Variants in DPH6 observed in about 807,000 individuals in gnomAD.
DPH6 encodes diphthine--ammonia ligase.
DPH6 carries 33 observed loss-of-function variants against 38.2 expected under a neutral mutation model. That is an observed-to-expected ratio of 0.86 (90% CI 0.65 to 1.15). DPH6 has a LOEUF of 1.15. DPH6 is among the 50% of genes most tolerant of loss of function. The probability of loss-of-function intolerance (pLI) is 0.00; values close to 1 mark genes in which losing one functional copy is unlikely to be tolerated. For missense variants in DPH6, 325 were observed against 320.0 expected (o/e 1.02, Z -0.12); for synonymous variants, 108 against 103.0 (o/e 1.05, Z -0.30).
intron 5 of DPH6, among the ~76,000 whole-genome samples, chr15:35,425,844 A>G (rs1009805770): frequency 2.6e-4 from 39 of 149,616 alleles, no homozygotes; most frequent in Non-Finnish European, 8.9e-5. Context: ...ATATATCCAT[A>G]TATATCCTAT....
chr15:35,522,961 T>C (rs1226318261), intron 3 of DPH6, among the ~76,000 whole-genome samples: 2 of 152,102 alleles, frequency 1.3e-5, no homozygotes, highest in Non-Finnish European at 2.9e-5. Flanking sequence ...AGCATCCCAC[T>C]GTATAGATAT....
At chr15:35,268,615 G>C (rs893903305) in intron 3 of DPH6, among the ~76,000 whole-genome samples, 7 of 151,906 alleles carry the variant, frequency 4.6e-5, no homozygotes, top group South Asian at 2.1e-4. Flanking sequence ...CTTAGTGAGG[G>C]TGAGGTGGTT....
At chr15:35,227,416 C>T (rs1049347854) in intron 3 of DPH6, among the ~76,000 whole-genome samples, 5 of 151,990 alleles carry the variant, frequency 3.3e-5, no homozygotes, top group Admixed American at 6.6e-5. Context: ...ACCTCCTGAC[C>T]TCATGATCCA....
rs962395758 is a variant in DPH6, at chr15:35,242,543, A to G, written n.201-21961T>C. On this transcript the variant is annotated intron_variant and non_coding_transcript_variant, in intron 3 of 3. Transcript: ENST00000560386. ...CAGTTTAGCCTTCCCACCTCTATAC[A>G]GTCTGATAACAGACCAGCTTTTATT... 2.0e-4 allele frequency among the ~76,000 whole-genome samples: 29 copies of G among 143,650 alleles called. 3 individuals are homozygous for G. Among genetic ancestry groups the G allele is most frequent in the African/African-American group, 6.3e-4 (25 of 39,736 alleles). 94.2% of individuals were successfully genotyped at this position (143,650 alleles called of 152,430 possible). A position where few individuals can be genotyped will look rare whatever the true frequency, so the allele number is the denominator to read the frequency against.
At chr15:35,264,547 T>G (rs996748962) in intron 3 of DPH6, among the ~76,000 whole-genome samples, 4 of 152,228 alleles carry the variant, frequency 2.6e-5, no homozygotes, top group Non-Finnish European at 4.4e-5. Flanking sequence ...CTTACTATTT[T>G]TAATTTTAAT....
downstream of DPH6, among the ~76,000 whole-genome samples, chr15:35,215,774 A>T (rs947578228): frequency 2.0e-5 from 3 of 152,214 alleles, no homozygotes; most frequent in African/African-American, 7.2e-5. Context: ...TCACAAAGCC[A>T]CTGTCGGCAC....
intron 3 of DPH6, among the ~76,000 whole-genome samples, chr15:35,287,717 T>TA (rs1358233110): frequency 6.6e-6 from 1 of 152,152 alleles, no homozygotes; most frequent in African/African-American, 2.4e-5. Flanking sequence ...ACTCCTTACT[T>TA]AAATTTTTTT....
Position 35,237,564 on chromosome 15 carries a change from T to G in DPH6, n.201-16982A>C, listed in dbSNP as rs866166041. On this transcript the variant is annotated intron_variant and non_coding_transcript_variant, in intron 3 of 3. Coordinates refer to the DPH6 transcript ENST00000560386. ...AGCGATAACAGAGTCTCGGGGGGCG[T>G]GGAAGCATTGGCAGAAAAGTGTCCG... is the stretch of plus-strand genomic sequence containing the variant. 1.9e-5 allele frequency: 29 copies of G among 1,538,650 alleles called. No individual in the cohort carries two copies. The Middle Eastern group carries it at 1.9e-3, about 99-fold the overall frequency.
chr15:35,482,767 ACT>A (rs1382422537), intron 3 of DPH6, among the ~76,000 whole-genome samples: 10 of 152,084 alleles, frequency 6.6e-5, no homozygotes, highest in East Asian at 3.9e-4. Flanking sequence ...TTTAGAACAC[ACT>A]GTTAGTAGTC....
chr15:35,355,176 T>A (rs1419919851), intron 3 of DPH6, among the ~76,000 whole-genome samples: 1 of 152,182 alleles, frequency 6.6e-6, no homozygotes, highest in East Asian at 1.9e-4. Flanking sequence ...AGCCTATGTG[T>A]GTCTCTGCAT....
At chr15:35,450,854 C>T (rs756171501) in intron 4 of DPH6, 51 bp from the exon 5 acceptor site, 8 of 1,373,906 alleles carry the variant, frequency 5.8e-6, no homozygotes, top group Non-Finnish European at 8.1e-6. Flanking sequence ...ATGTTTTATA[C>T]TTGGATCCAC....
At chr15:35,151,419 C>T in the DPH6 span, among the ~76,000 whole-genome samples, 3 of 152,166 alleles carry the variant, frequency 2.0e-5, no homozygotes, top group Admixed American at 6.5e-5. Context: ...GAGTAGCAGG[C>T]ATCTGGATTT....
downstream of DPH6, among the ~76,000 whole-genome samples, chr15:35,329,027 C>T (rs893267601): frequency 3.9e-5 from 6 of 152,176 alleles, no homozygotes; most frequent in African/African-American, 1.4e-4. Flanking sequence ...AAACTGCCCC[C>T]ATGATTCAAT....
At chr15:35,389,938 G>T (rs565171618) in intron 6 of DPH6, among the ~76,000 whole-genome samples, 1 of 152,088 alleles carries the variant, frequency 6.6e-6, no homozygotes, top group Non-Finnish European at 1.5e-5. Flanking sequence ...TCCTATCCTC[G>T]ATGGTCTTTA....
chr15:35,398,323 C>T (rs989319557), intron 6 of DPH6, among the ~76,000 whole-genome samples: 39 of 152,106 alleles, frequency 2.6e-4, no homozygotes, highest in African/African-American at 8.7e-4. Flanking sequence ...GGGAAACCAA[C>T]CTTGTGATTA....
chr15:35,363,825 G>A (rs2052634257), intron 3 of DPH6, among the ~76,000 whole-genome samples: 1 of 151,482 alleles, frequency 6.6e-6, no homozygotes, highest in South Asian at 2.1e-4. Context: ...TAGAATTTAT[G>A]ACATGTTATC....
intron 3 of DPH6, among the ~76,000 whole-genome samples, chr15:35,481,325 T>C (rs546773304): frequency 3.4e-4 from 52 of 152,214 alleles, no homozygotes; most frequent in African/African-American, 1.2e-3. Context: ...AAAACTCTAC[T>C]GGACAAGTAA....
chr15:35,168,652 C>T, the DPH6 span, among the ~76,000 whole-genome samples: 1 of 151,960 alleles, frequency 6.6e-6, no homozygotes, highest in African/African-American at 2.4e-5. Flanking sequence ...CCGAAAACTG[C>T]ACTATTTAAA....
At chr15:35,268,607 TAGTG>T (rs2051800542) in intron 3 of DPH6, among the ~76,000 whole-genome samples, 1 of 151,560 alleles carries the variant, frequency 6.6e-6, no homozygotes, top group Non-Finnish European at 1.5e-5. Context: ...AGAAAAAACT[TAGTG>T]AGGGTGAGGT....
Sources: gnomAD v4.1 joint callset for allele counts (sites outside exome capture counted in the v4.1 genomes callset) on GRCh38, gnomAD v4.1.1 for gene constraint, MANE v1.5 for transcripts, NCBI Gene and HGNC (gene_info 2026-07-23, HGNC 2026-07-21) for gene names.